Variants in CDH13 observed in about 807,000 individuals in gnomAD.
CDH13 encodes cadherin 13, also known as cadherin-13.
Under a neutral mutation model 63.8 loss-of-function variants are expected in CDH13, and 24 were observed. The observed-to-expected ratio is 0.38, with a 90% confidence interval of 0.27 to 0.53. The LOEUF (loss-of-function observed/expected upper bound fraction) is 0.53. Among genes scored for constraint, CDH13 ranks in the 20% least tolerant of loss-of-function variants. The pLI is 0.85. For synonymous variants in CDH13, 503 were observed against 355.3 expected, an observed-to-expected ratio of 1.42 and a Z score of -4.67; for missense variants, 1,049 against 903.1, an observed-to-expected ratio of 1.16 and a Z score of -2.07.
At chr16:83,667,795 C>T (rs533881918) in intron 8 of CDH13, among the ~76,000 whole-genome samples, 24 of 151,778 alleles carry the variant, frequency 1.6e-4, no homozygotes, top group Non-Finnish European at 2.6e-4. Context: ...GTATGTGGGA[C>T]GACAGGCACG....
rs560364334 is a variant in CDH13 at position 83,125,777 on chromosome 16, C to T, written c.483+276C>T. On this transcript the variant is annotated intron_variant, in intron 4 of 13. Coordinates refer to ENST00000567109, the MANE Select transcript of CDH13 (RefSeq NM_001257.5). ...AGATGTCAATGGTTAAGAAACAAGG[C>T]TCATTGCTTTTATAGATTATATTCA... Among the ~76,000 whole-genome samples the T allele has an allele frequency of 8.4e-4, 128 of 152,244 alleles. 1 individual carries two copies. The highest frequency in any genetic ancestry group is 1.5e-3 in the Non-Finnish European group (104 of 68,014).
chr16:82,627,331 G>GGCGT (rs4060537), intron 1 of CDH13, among the ~76,000 whole-genome samples, 194 bp downstream of exon 1: 1,612 of 128,936 alleles, frequency 0.013, 65 homozygotes, highest in Middle Eastern at 0.043. Flanking sequence ...CTCCCACTCT[G>GGCGT]GCGTGCGTGT....
rs114249930 is a variant in CDH13 at position 83,720,438 on chromosome 16, T to C, written c.1539-27670T>C. Among the ~76,000 whole-genome samples the C allele has an allele frequency of 9.9e-3, 1,513 of 152,210 alleles. 31 individuals carry two copies. Among genetic ancestry groups the C allele is most frequent in the African/African-American group, 0.035 (1,440 of 41,536 alleles). ...GAGCACCTACTGCATACCAGCATTA[T>C]GCCAAGCACAAGAGATTAGGGGAAG... On this transcript the variant is annotated intron_variant, in intron 10 of 13. Coordinates refer to ENST00000567109, the MANE Select transcript of CDH13 (RefSeq NM_001257.5).
intron 8 of CDH13, among the ~76,000 whole-genome samples, chr16:83,622,778 C>G (rs1909932506): frequency 6.6e-6 from 1 of 152,170 alleles, no homozygotes; most frequent in Non-Finnish European, 1.5e-5. Context: ...TCAAGTTCAC[C>G]AGTCTCTGTG....
intron 3 of CDH13, among the ~76,000 whole-genome samples, chr16:83,121,985 C>CACAT (rs1329545916): frequency 6.6e-6 from 1 of 151,708 alleles, no homozygotes; most frequent in Non-Finnish European, 1.5e-5. Context: ...CACACACACA[C>CACAT]ACACACACAC....
intron 5 of CDH13, among the ~76,000 whole-genome samples, chr16:83,249,591 A>C (rs1163336179): frequency 6.6e-6 from 1 of 152,190 alleles, no homozygotes; most frequent in African/African-American, 2.4e-5. Flanking sequence ...GCAAATGGGC[A>C]CTCAGAGAGG....
intron 3 of CDH13, among the ~76,000 whole-genome samples, chr16:83,063,143 G>A (rs1037813534): frequency 6.6e-6 from 1 of 152,058 alleles, no homozygotes; most frequent in Non-Finnish European, 1.5e-5. Context: ...TGTATTTTTA[G>A]TAGAGACAGG....
intron 1 of CDH13, chr16:82,727,412 T>C (rs2033158918): frequency 6.6e-6 from 1 of 152,192 alleles, no homozygotes; most frequent in African/African-American, 2.4e-5. Flanking sequence ...ATGTCTGTGA[T>C]GCACTTAGCA....
intron 6 of CDH13, among the ~76,000 whole-genome samples, chr16:83,426,926 TTTTTTTTTTTTTTG>T (rs1212611065): frequency 1.6e-4 from 17 of 109,146 alleles, no homozygotes; most frequent in African/African-American, 3.9e-4. Flanking sequence ...TTTTTTTTTT[TTTTTTTTTTTTTTG>T]AAGACGGAGT....
At chr16:83,121,172 T>C (rs1016540065) in intron 3 of CDH13, among the ~76,000 whole-genome samples, 7 of 152,338 alleles carry the variant, frequency 4.6e-5, no homozygotes, top group Middle Eastern at 3.4e-3. Flanking sequence ...TCTAGTTTTC[T>C]TTGCCTGCAT....
chr16:83,601,270 C>G (rs1907765660), intron 7 of CDH13, among the ~76,000 whole-genome samples: 1 of 152,072 alleles, frequency 6.6e-6, no homozygotes, highest in African/African-American at 2.4e-5. Context: ...AAGCAGAAAC[C>G]TACTACCAAA....
intron 7 of CDH13, among the ~76,000 whole-genome samples, chr16:83,543,352 A>G (rs962254863): frequency 2.6e-5 from 4 of 152,226 alleles, no homozygotes; most frequent in South Asian, 2.1e-4. Flanking sequence ...ATGGAGCCCA[A>G]TGACAGAATG....
At chr16:82,628,408 G>A (rs570776196) in intron 1 of CDH13, among the ~76,000 whole-genome samples, 7 of 152,280 alleles carry the variant, frequency 4.6e-5, no homozygotes, top group Admixed American at 1.3e-4. Context: ...TTCCCAGGTA[G>A]GGACTGTCTG....
chr16:83,771,407 C>T (rs552857047), intron 11 of CDH13, among the ~76,000 whole-genome samples: 2 of 152,258 alleles, frequency 1.3e-5, no homozygotes, highest in South Asian at 2.1e-4. Flanking sequence ...GTGGTCCTAT[C>T]GTGGTCATAT....
chr16:82,750,842 G>C (rs988931730), intron 1 of CDH13, among the ~76,000 whole-genome samples: 3 of 152,120 alleles, frequency 2.0e-5, no homozygotes, highest in Admixed American at 6.5e-5. Context: ...TTATGGTTGA[G>C]TGCATTCTTC....
intron 4 of CDH13, among the ~76,000 whole-genome samples, chr16:83,207,292 G>A (rs954684162): frequency 1.3e-5 from 2 of 152,106 alleles, no homozygotes; most frequent in African/African-American, 4.8e-5. Context: ...CTCTATTAAT[G>A]TTACAACTCC....
chr16:83,453,758 CT>C (rs1230135268), intron 6 of CDH13, among the ~76,000 whole-genome samples: 4 of 648 alleles, frequency 6.2e-3, no homozygotes, highest in Admixed American at 0.018. Context: ...CACCATGTAT[CT>C]CCACCATGTA....
chr16:82,993,044 G>C (rs1390824041), intron 2 of CDH13, among the ~76,000 whole-genome samples: 1 of 151,968 alleles, frequency 6.6e-6, no homozygotes. Flanking sequence ...CAGCTATTTT[G>C]TTTGTTTGTT....
intron 8 of CDH13, among the ~76,000 whole-genome samples, chr16:83,619,406 C>G (rs1909597866): frequency 1.3e-5 from 2 of 152,240 alleles, no homozygotes; most frequent in Admixed American, 1.3e-4. Flanking sequence ...GAGGAGGTGA[C>G]TGTATTCATT....
Sources: gnomAD v4.1 joint callset for allele counts (sites outside exome capture counted in the v4.1 genomes callset) on GRCh38, gnomAD v4.1.1 for gene constraint, MANE v1.5 for transcripts, NCBI Gene and HGNC (gene_info 2026-07-23, HGNC 2026-07-21) for gene names.